Variants in MGMT observed in about 807,000 individuals in gnomAD.
The protein encoded by MGMT is methylated-DNA--protein-cysteine methyltransferase.
MGMT carries 14 observed loss-of-function variants against 15.9 expected under a neutral mutation model. The observed-to-expected ratio is 0.88, with a 90% confidence interval of 0.58 to 1.37. MGMT has a LOEUF of 1.37. Among genes scored for constraint, MGMT ranks in the 40% most tolerant of loss-of-function variants. The pLI, the probability that MGMT is intolerant of heterozygous loss-of-function variation, is 0.00. For missense variants in MGMT, 282 were observed against 268.1 expected (o/e 1.05, Z -0.36); for synonymous variants, 130 against 118.2 (o/e 1.10, Z -0.65).
chr10:129,478,521 A>G (rs911167814), intron 1 of MGMT, among the ~76,000 whole-genome samples: 2 of 152,216 alleles, frequency 1.3e-5, no homozygotes, highest in Non-Finnish European at 2.9e-5. Flanking sequence ...GGTTAAATTT[A>G]CTTCTGTCTA....
rs538430547 is a variant in MGMT at position 129,556,640 on chromosome 10, A to C, written c.125+20263A>C. 3.9e-5 allele frequency among the ~76,000 whole-genome samples: 6 copies of C among 152,336 alleles called. No individual in the cohort carries two copies. The highest frequency in any genetic ancestry group is 5.9e-5 in the Non-Finnish European group (4 of 68,032). ...GCTGTAGAAGAGGCGCCGCCATCCC[A>C]GACAGTGTTCATAAACACCGACGGC... On this transcript the variant is annotated intron_variant, in intron 2 of 4. Transcript: ENST00000651593. This position sits in a 1 kb window ranked among gnomAD's most constrained non-coding sequence, Gnocchi z 4.3.
At chr10:129,470,644 C>G (rs1845219997) in intron 1 of MGMT, among the ~76,000 whole-genome samples, 1 of 152,198 alleles carries the variant, frequency 6.6e-6, no homozygotes, top group Non-Finnish European at 1.5e-5. Context: ...CAAAGCCAGT[C>G]CTCAGCAGCC....
intron 1 of MGMT, among the ~76,000 whole-genome samples, chr10:129,511,441 C>T (rs1845682604): frequency 6.6e-6 from 1 of 151,956 alleles, no homozygotes; most frequent in African/African-American, 2.4e-5. Context: ...GACGCAGCCA[C>T]ATGCTTCATG....
At chr10:129,677,742 C>T (rs537143702) in intron 2 of MGMT, among the ~76,000 whole-genome samples, 8 of 152,296 alleles carry the variant, frequency 5.3e-5, no homozygotes, top group East Asian at 3.9e-4. Flanking sequence ...GACTGCCCCC[C>T]ACAAAGCCCT....
At chr10:129,479,489 C>T (rs558028662) in intron 1 of MGMT, among the ~76,000 whole-genome samples, 14 of 152,016 alleles carry the variant, frequency 9.2e-5, no homozygotes, top group South Asian at 6.2e-4. Context: ...GTATTCTGCT[C>T]GTTTTTTCCA....
chr10:129,637,341 G>A (rs1173518848), intron 2 of MGMT, among the ~76,000 whole-genome samples: 1 of 152,150 alleles, frequency 6.6e-6, no homozygotes, highest in Non-Finnish European at 1.5e-5. Context: ...TGTGCGATGG[G>A]GCTCTTCTCC....
intron 2 of MGMT, among the ~76,000 whole-genome samples, chr10:129,596,170 T>C (rs1846749424): frequency 6.6e-6 from 1 of 151,314 alleles, no homozygotes; most frequent in African/African-American, 2.4e-5. Context: ...AGTTTTAGCA[T>C]GGTATTTTCT....
rs919222050 is a variant in MGMT at position 129,581,942 on chromosome 10, C to A, written c.125+45565C>A. On this transcript the variant is annotated intron_variant, in intron 2 of 4. Coordinates refer to ENST00000651593, the MANE Select transcript of MGMT (RefSeq NM_002412.5). ...CAATCAGCTTTCTGTTGACTTTCTG[C>A]TGCCTGGCCGGCGTCTTGTAGGAGG... Among the ~76,000 whole-genome samples, 5 of 152,358 alleles carry A rather than the reference C, an allele frequency of 3.3e-5. No homozygotes were observed. In the East Asian group the frequency reaches 9.6e-4, roughly 29 times the overall value.
intron 1 of MGMT, among the ~76,000 whole-genome samples, chr10:129,506,642 G>C (rs998707965): frequency 6.6e-6 from 1 of 152,106 alleles, no homozygotes; most frequent in East Asian, 1.9e-4. Context: ...AGCCCCAGCT[G>C]CCCTACCCTG....
intron 2 of MGMT, among the ~76,000 whole-genome samples, chr10:129,615,982 C>G (rs1168095294): frequency 6.6e-6 from 1 of 152,094 alleles, no homozygotes; most frequent in Non-Finnish European, 1.5e-5. Flanking sequence ...CTTTGGTTTG[C>G]AGATGGGGGT....
At chr10:129,726,783 C>T (rs549507218) in intron 3 of MGMT, among the ~76,000 whole-genome samples, 1 of 152,138 alleles carries the variant, frequency 6.6e-6, no homozygotes, top group Non-Finnish European at 1.5e-5. Flanking sequence ...TTAAAAGCAT[C>T]AGAATTAAGT....
chr10:129,555,578 G>A (rs1846204198), intron 2 of MGMT, among the ~76,000 whole-genome samples: 1 of 152,080 alleles, frequency 6.6e-6, no homozygotes, highest in African/African-American at 2.4e-5. Flanking sequence ...ATCCAGGCCT[G>A]GTGGAAGGCG....
chr10:129,742,384 G>A (rs905548085), intron 3 of MGMT, among the ~76,000 whole-genome samples: 6 of 152,370 alleles, frequency 3.9e-5, no homozygotes, highest in Admixed American at 6.5e-5. Flanking sequence ...GTCCCACCTC[G>A]GTGCGCGACC....
chr10:129,695,506 T>G (rs1397209219), intron 2 of MGMT, among the ~76,000 whole-genome samples: 1 of 152,222 alleles, frequency 6.6e-6, no homozygotes, highest in African/African-American at 2.4e-5. Context: ...GAAAGAAAAG[T>G]ATTGTCTTCA....
In MGMT at chr10:129,590,656, CAGAG is replaced by C. The variant is rs139504807; in HGVS notation, c.125+54282_125+54285del. ...GCCATTCACAGTCTAATGAGAAACTCAGAGAGGCTAGAAACTCTCAATAAAAATT... is the reference window on the plus strand; with the variant it reads ...GCCATTCACAGTCTAATGAGAAACTCAGGCTAGAAACTCTCAATAAAAATT... On this transcript the variant is annotated intron_variant, in intron 2 of 4. Transcript: ENST00000651593. Among the ~76,000 whole-genome samples the C allele has an allele frequency of 1.4e-4, 21 of 152,316 alleles. No homozygotes were observed. In the East Asian group the frequency reaches 2.7e-3, roughly 20 times the overall value.
intron 2 of MGMT, among the ~76,000 whole-genome samples, chr10:129,551,694 T>C (rs139778648): frequency 6.6e-6 from 1 of 152,290 alleles, no homozygotes; most frequent in African/African-American, 2.4e-5. Context: ...CCTTACTCTC[T>C]TATTTATTTA....
intron 1 of MGMT, among the ~76,000 whole-genome samples, chr10:129,535,206 G>A (rs1845972260): frequency 6.6e-6 from 1 of 152,100 alleles, no homozygotes; most frequent in African/African-American, 2.4e-5. Flanking sequence ...GGCCTTCCTT[G>A]AGTAGCCACG....
rs559804977 is a variant in MGMT, at chr10:129,505,595, A to C, written c.-12-30646A>C. On this transcript the variant is annotated intron_variant, in intron 1 of 4. Transcript: ENST00000651593. ...TTCCTTCTTTAAAAATGGTTGAGTTACTTTCTGTCTGCATCTGATACATCC... is the reference window on the plus strand; with the variant it reads ...TTCCTTCTTTAAAAATGGTTGAGTTCCTTTCTGTCTGCATCTGATACATCC... 1.6e-4 allele frequency among the ~76,000 whole-genome samples: 24 copies of C among 152,148 alleles called. No individual in the cohort carries two copies. In the South Asian group the frequency reaches 4.8e-3, roughly 30 times the overall value.
intron 2 of MGMT, among the ~76,000 whole-genome samples, chr10:129,704,616 T>C (rs528972492): frequency 5.9e-4 from 90 of 152,212 alleles, no homozygotes; most frequent in African/African-American, 2.1e-3. Context: ...CAGTTATCCG[T>C]GGCTGTCGGT....
Sources: allele counts gnomAD v4.1 joint callset (sites outside exome capture counted in the v4.1 genomes callset), GRCh38; gene constraint gnomAD v4.1.1; non-coding constraint Gnocchi (gnomAD v3.1); transcripts MANE v1.5; gene names NCBI Gene and HGNC (gene_info 2026-07-23, HGNC 2026-07-21).